The following COL4A2 variants were observed in gnomAD, a reference collection of about 807,000 sequenced individuals.
The protein encoded by COL4A2 is collagen alpha-2(IV) chain.
Under a neutral mutation model 200.2 loss-of-function variants are expected in COL4A2, and 99 were observed. The observed-to-expected ratio is 0.49, with a 90% CI of 0.42 to 0.58. The LOEUF is 0.58. Ranked by LOEUF, COL4A2 falls within the 20% of genes least tolerant of loss-of-function variation. The pLI is 0.00. For missense variants in COL4A2, 1,950 were observed against 2,314.1 expected (o/e 0.84, Z 3.23); for synonymous variants, 897 against 900.6 (o/e 1.00, Z 0.07).
chr13:110,453,602 G>T (rs1394858179), intron 20 of COL4A2, among the ~76,000 whole-genome samples: 5 of 152,206 alleles, frequency 3.3e-5, no homozygotes, highest in Non-Finnish European at 4.4e-5. Flanking sequence ...TAAAGTCACA[G>T]CATATGCCAT....
intron 4 of COL4A2, among the ~76,000 whole-genome samples, chr13:110,414,521 A>G (rs1879966922): frequency 6.6e-6 from 1 of 152,134 alleles, no homozygotes; most frequent in Admixed American, 6.5e-5. Context: ...CCAGGACAGG[A>G]GAGGGCCCAA....
Position 110,508,028 on chromosome 13 carries a change from A to G in COL4A2, c.4688A>G (p.Lys1563Arg), listed in dbSNP as rs1238821561. The stretch of plus-strand genomic sequence containing the variant: ...TGCTACTATGCCAGCCGGAACGACA[A>G]GTCCTACTGGCTCTCTACCACTGCG... Reference protein sequence around the residue: ...DVCYYASRNDKSYWLSTTAPL... With the variant: ...DVCYYASRNDRSYWLSTTAPL... Residue 1563 changes from lysine to arginine, a missense_variant, in exon 47 of 48, where the codon AAG (lysine) becomes AGG (arginine). Physicochemically the swap from Lys to Arg is conservative, Grantham distance 26 (BLOSUM62 2). Coordinates refer to ENST00000360467, the MANE Select transcript of COL4A2 (RefSeq NM_001846.4). The surrounding 1 kb of genome is among the most constrained non-coding windows in gnomAD (Gnocchi z 6.1). The G allele has an allele frequency of 4.3e-6, 7 of 1,614,226 alleles. No homozygotes were observed. Among genetic ancestry groups the G allele is most frequent in the Non-Finnish European group, 5.1e-6 (6 of 1,180,038 alleles).
chr13:110,479,228 G>A (rs1882806229), intron 30 of COL4A2, among the ~76,000 whole-genome samples: 1 of 152,166 alleles, frequency 6.6e-6, no homozygotes, highest in East Asian at 1.9e-4. Flanking sequence ...AGCCTGTCCT[G>A]AACTAAAGCC....
chr13:110,412,597 C>T (rs185454666), intron 4 of COL4A2, among the ~76,000 whole-genome samples: 77 of 152,376 alleles, frequency 5.1e-4, no homozygotes, highest in Non-Finnish European at 1.0e-3. Flanking sequence ...TTATAGCTTT[C>T]TCACAGACCT....
At chr13:110,427,466 C>G (rs1832665265) in intron 6 of COL4A2, among the ~76,000 whole-genome samples, 1 of 152,132 alleles carries the variant, frequency 6.6e-6, no homozygotes, top group Admixed American at 6.5e-5. Context: ...GTTTCTTTAT[C>G]TTGAAATTTT....
At chr13:110,454,948 C>T (rs1333774022) in intron 20 of COL4A2, among the ~76,000 whole-genome samples, 1 of 152,070 alleles carries the variant, frequency 6.6e-6, no homozygotes, top group Non-Finnish European at 1.5e-5. Flanking sequence ...CTCCCTTGGT[C>T]CTCACCCTCC....
Position 110,369,598 on chromosome 13 carries a change from C to T in COL4A2, c.180+12046C>T, listed in dbSNP as rs150939354. On this transcript the variant is annotated intron_variant, in intron 4 of 47. Coordinates refer to ENST00000360467, the MANE Select transcript of COL4A2 (RefSeq NM_001846.4). ...TGGTTCTTCCAGCCAGAATGCCCAT[C>T]GGTAGCACTCAACAGGTGGCACTAT... Among the ~76,000 whole-genome samples the T allele has an allele frequency of 3.1e-3, 479 of 152,262 alleles. 1 individual carries two copies. The highest frequency in any genetic ancestry group is 0.01 in the African/African-American group (431 of 41,546).
intron 4 of COL4A2, among the ~76,000 whole-genome samples, chr13:110,388,455 G>A (rs1324117549): frequency 1.3e-5 from 2 of 152,212 alleles, no homozygotes; most frequent in Admixed American, 1.3e-4. Flanking sequence ...GAACGAAAAA[G>A]AGAATGAGCC....
intron 3 of COL4A2, among the ~76,000 whole-genome samples, chr13:110,335,937 G>A (rs117054860): frequency 1.3e-4 from 20 of 152,306 alleles, no homozygotes; most frequent in Non-Finnish European, 2.2e-4. Flanking sequence ...CCCCTGTAGT[G>A]TGCTTTGCAA....
rs377266231 is a variant in COL4A2, at chr13:110,504,158, G to A, written c.4296G>A (p.Gly1432=). The change falls in exon 45 of 48, where the codon GGG becomes GGA. Residue 1432 remains glycine (G), a synonymous_variant. Coordinates refer to ENST00000360467, the MANE Select transcript of COL4A2 (RefSeq NM_001846.4). ...QGPPGEPGFR[G]APGKAGPQGR... ...TTTGGTGGCTTGCAGGTTTCCGTGG[G>A]GCTCCAGGGAAAGCTGGGCCCCAAG... is the stretch of plus-strand genomic sequence containing the variant. 8.4e-5 allele frequency: 136 copies of A among 1,614,048 alleles called. No homozygotes were observed. Among genetic ancestry groups the A allele is most frequent in the Non-Finnish European group, 1.1e-4 (131 of 1,180,030 alleles).
intron 4 of COL4A2, among the ~76,000 whole-genome samples, chr13:110,387,630 T>C (rs1878815185): frequency 6.6e-6 from 1 of 152,234 alleles, no homozygotes; most frequent in Non-Finnish European, 1.5e-5. Flanking sequence ...GCCCTGCGCT[T>C]GTTTCTAAGA....
chr13:110,465,669 A>C, intron 25 of COL4A2, 63 bp downstream of exon 25: 1 of 1,401,082 alleles, frequency 7.1e-7, no homozygotes. Flanking sequence ...TTCCTTTGTC[A>C]GTGTAGACGT....
chr13:110,490,511 A>C (rs1883253250), intron 36 of COL4A2, among the ~76,000 whole-genome samples: 1 of 152,090 alleles, frequency 6.6e-6, no homozygotes, highest in South Asian at 2.1e-4. Context: ...TCTGGAATGG[A>C]AAGACGTGTT....
intron 38 of COL4A2, 54 bp downstream of exon 38, chr13:110,492,231 G>T: frequency 6.8e-7 from 1 of 1,476,196 alleles, no homozygotes. Flanking sequence ...GGGCTGTGCA[G>T]GAGGCACCGC....
intron 21 of COL4A2, chr13:110,457,692 A>T (rs1453048245): frequency 1.6e-6 from 1 of 630,926 alleles, no homozygotes; most frequent in Non-Finnish European, 3.0e-6. Flanking sequence ...CCTTCCTAGC[A>T]GCAGTGAGCC....
At chr13:110,405,751 T>G (rs1034545945) in intron 4 of COL4A2, among the ~76,000 whole-genome samples, 2 of 152,240 alleles carry the variant, frequency 1.3e-5, no homozygotes, top group Non-Finnish European at 2.9e-5. Flanking sequence ...GTTTTTGGTT[T>G]CTGGGGTTTT....
intron 10 of COL4A2, chr13:110,430,814 G>T: frequency 1.2e-6 from 1 of 824,718 alleles, no homozygotes; most frequent in Non-Finnish European, 2.1e-6. Flanking sequence ...TAAAATTATG[G>T]TCACCAGCTC....
chr13:110,488,049 CAG>C (rs1252679990), intron 34 of COL4A2, among the ~76,000 whole-genome samples: 1 of 152,158 alleles, frequency 6.6e-6, no homozygotes, highest in Admixed American at 6.5e-5. Flanking sequence ...TTTTTTGAGA[CAG>C]AGTCTCACTC....
intron 4 of COL4A2, among the ~76,000 whole-genome samples, chr13:110,373,992 C>T (rs1369720882): frequency 6.6e-6 from 1 of 152,222 alleles, no homozygotes; most frequent in Non-Finnish European, 1.5e-5. Flanking sequence ...GGAATATCTC[C>T]AGCAATTATC....
Sources: allele counts gnomAD v4.1 joint callset (sites outside exome capture counted in the v4.1 genomes callset), GRCh38; gene constraint gnomAD v4.1.1; non-coding constraint Gnocchi (gnomAD v3.1); transcripts MANE v1.5; gene names NCBI Gene and HGNC (gene_info 2026-07-23, HGNC 2026-07-21).